STEAP2: variants seen among roughly 807,000 people sequenced by gnomAD.
The protein encoded by STEAP2 is metalloreductase STEAP2.
In STEAP2, 30 loss-of-function variants were observed where a neutral mutation model predicts 46.4. That is an observed-to-expected ratio of 0.65 (90% CI 0.48 to 0.88). STEAP2 has a LOEUF of 0.88. Among genes scored for constraint, STEAP2 ranks in the 40% least tolerant of loss-of-function variants. The probability of loss-of-function intolerance (pLI) is 0.00; values close to 1 mark genes in which losing one functional copy is unlikely to be tolerated. For missense variants in STEAP2, 513 were observed against 579.3 expected (o/e 0.89, Z 1.18); for synonymous variants, 180 against 200.5 (o/e 0.90, Z 0.86).
chr7:90,218,041 T>C (rs549532067), intron 2 of STEAP2, among the ~76,000 whole-genome samples: 1 of 152,330 alleles, frequency 6.6e-6, no homozygotes, highest in East Asian at 1.9e-4. Context: ...CATTTTTTCA[T>C]ATACCTATTA....
intron 4 of STEAP2, among the ~76,000 whole-genome samples, chr7:90,228,467 C>G (rs1584244350): frequency 6.6e-6 from 1 of 152,106 alleles, no homozygotes; most frequent in African/African-American, 2.4e-5. Context: ...GCTCCCTTGC[C>G]TCCTTCCAGT....
downstream of STEAP2, among the ~76,000 whole-genome samples, chr7:90,242,502 C>A (rs868367633): frequency 6.6e-6 from 1 of 152,080 alleles, no homozygotes; most frequent in Non-Finnish European, 1.5e-5. Flanking sequence ...CTTTCCTGAT[C>A]CTGAGATGCT....
At position 90,229,806 on chromosome 7, in the gene STEAP2, G is replaced by A; in HGVS notation, c.1021-66G>A. On this transcript the variant is annotated intron_variant, in intron 4 of 5. Transcript: ENST00000394621. ...ACCAGGTTCTTCTTATGCCAAGAGT[G>A]AACTCTGTGCTGAATCAGTTAATGT... 3 of 1,560,714 alleles carry A rather than the reference G, an allele frequency of 1.9e-6. No individual in the cohort carries two copies. The South Asian group carries it at 3.8e-5, about 20-fold the overall frequency.
chr7:90,213,977 TAGTC>T (rs1312368590), intron 1 of STEAP2: 4 of 152,246 alleles, frequency 2.6e-5, no homozygotes, highest in Admixed American at 6.5e-5. Context: ...TTTTACGTGA[TAGTC>T]AGGAAGATGG....
chr7:90,217,407 C>T (rs1053991361), intron 2 of STEAP2, among the ~76,000 whole-genome samples: 1 of 152,130 alleles, frequency 6.6e-6, no homozygotes, highest in Admixed American at 6.5e-5. Flanking sequence ...TTCCTCCCCT[C>T]CTCCCATCAA....
intron 2 of STEAP2, among the ~76,000 whole-genome samples, chr7:90,219,727 G>A (rs375254420): frequency 1.7e-4 from 26 of 151,858 alleles, no homozygotes; most frequent in African/African-American, 3.9e-4. Flanking sequence ...ACACACGCGC[G>A]CACACACACA....
At chr7:90,219,276 CTT>C (rs1163934335) in intron 2 of STEAP2, among the ~76,000 whole-genome samples, 4 of 151,974 alleles carry the variant, frequency 2.6e-5, no homozygotes, top group African/African-American at 9.7e-5. Context: ...ACCTTTTATT[CTT>C]TCTCTTTCCT....
intron 2 of STEAP2, among the ~76,000 whole-genome samples, chr7:90,222,135 G>A (rs781193392): frequency 2.0e-5 from 3 of 151,852 alleles, no homozygotes; most frequent in Non-Finnish European, 2.9e-5. Context: ...ATTACTTCTG[G>A]TTTTTTTAAC....
At position 90,235,980 on chromosome 7, in the gene STEAP2, G is replaced by A. The variant is rs915926156; in HGVS notation, c.*3356G>A. The A allele has an allele frequency of 2.0e-5, 20 of 978,350 alleles. No homozygotes were observed. The highest frequency in any genetic ancestry group is 2.2e-5 in the Non-Finnish European group (18 of 823,776). The allele number at this position is 978,350 out of a possible 1,614,324, so 60.6% of individuals were successfully genotyped here. A position where few individuals can be genotyped will look rare whatever the true frequency, so the allele number is the denominator to read the frequency against. On this transcript the variant is annotated 3_prime_UTR_variant, in exon 6 of 6. Transcript: ENST00000394621. The stretch of plus-strand genomic sequence containing the variant: ...GCAGCATAACCTTGGCTTGATTAAG[G>A]AATTCTACTTTCAAAAATTAATCTG...
chr7:90,229,997 G>A lies in STEAP2; in HGVS notation c.1146G>A (p.Val382=), dbSNP rs777490178. The A allele has an allele frequency of 1.2e-6, 2 of 1,613,408 alleles. No individual in the cohort carries two copies. The highest frequency in any genetic ancestry group is 1.7e-6 in the Non-Finnish European group (2 of 1,179,486). Residue 382 remains valine (V), a synonymous_variant, in exon 5 of 6, where the codon GTG becomes GTA. Coordinates refer to ENST00000394621, the MANE Select transcript of STEAP2 (RefSeq NM_001244944.2). The part of the protein sequence containing the change: ...SLLAVTSIPS[V]SNALNWREFS... ...TGGCAGTCACTTCTATCCCTTCAGT[G>A]AGCAATGCTTTAAACTGGAGAGAAT...
rs1025269197 is a variant in STEAP2, at chr7:90,233,002, AT to A, written c.*385del. The stretch of plus-strand genomic sequence containing the variant: ...TTTTAAAATAATTCAATGGATATAC[AT>A]TTTTTTCTGAAGATTAAGATTTTAA... On this transcript the variant is annotated 3_prime_UTR_variant, in exon 6 of 6. Transcript: ENST00000394621. 3 of 964,816 alleles carry A rather than the reference AT, an allele frequency of 3.1e-6. No homozygotes were observed. The highest frequency in any genetic ancestry group is 3.7e-6 in the Non-Finnish European group (3 of 811,112). The allele number at this position is 964,816 out of a possible 1,614,324, so 59.8% of individuals were successfully genotyped here.
chr7:90,229,804 G>A, intron 4 of STEAP2, 68 bp from the exon 5 acceptor site: 1 of 1,559,424 alleles, frequency 6.4e-7, no homozygotes, highest in East Asian at 2.3e-5. Flanking sequence ...TATGCCAAGA[G>A]TGAACTCTGT....
chr7:90,238,082 C>T (rs1483552073), downstream of STEAP2: 1 of 717,336 alleles, frequency 1.4e-6, no homozygotes, highest in Non-Finnish European at 2.6e-6. Context: ...CTTCCTCATG[C>T]CTTGCCTCCT....
intron 2 of STEAP2, among the ~76,000 whole-genome samples, chr7:90,216,999 T>TCC (rs1225316533): frequency 6.6e-6 from 1 of 152,194 alleles, no homozygotes; most frequent in Non-Finnish European, 1.5e-5. Context: ...AGTGGGACTT[T>TCC]CCCTCACTAC....
intron 5 of STEAP2, among the ~76,000 whole-genome samples, chr7:90,230,596 T>C (rs1795697998): frequency 6.6e-6 from 1 of 152,166 alleles, no homozygotes; most frequent in African/African-American, 2.4e-5. Flanking sequence ...AGTATACTAA[T>C]ACGTATGGAT....
Position 90,223,095 on chromosome 7 carries a change from A to G in STEAP2, c.-33-1955A>G, listed in dbSNP as rs1009525905. On this transcript the variant is annotated intron_variant, in intron 2 of 5. Transcript: ENST00000394621. ...AATAATTTGAGAGATTTTTCCAGGA[A>G]GAATAACTGCATCATAGTTTATGCA... is the stretch of plus-strand genomic sequence containing the variant. Among the ~76,000 whole-genome samples the G allele has an allele frequency of 3.3e-5, 5 of 152,326 alleles. No homozygotes were observed. In the East Asian group the frequency reaches 9.6e-4, roughly 29 times the overall value.
downstream of STEAP2, among the ~76,000 whole-genome samples, chr7:90,241,250 CAGAA>C (rs1796056126): frequency 1.3e-5 from 2 of 151,986 alleles, no homozygotes; most frequent in Non-Finnish European, 2.9e-5. Flanking sequence ...CTTGAGAGAT[CAGAA>C]TCTCAGAATG....
Position 90,232,351 on chromosome 7 carries a change from T to C in STEAP2, c.1200T>C (p.Tyr400=). Residue 400 remains tyrosine, a synonymous_variant, in exon 6 of 6, where the codon TAT becomes TAC. Transcript: ENST00000394621. ...EFSFIQSTLG[Y]VALLISTFHV... is the part of the protein sequence containing the mutation. ...CCTGGCCCAAGTCTACACTTGGATA[T>C]GTCGCTCTGCTCATAAGTACTTTCC... The C allele has an allele frequency of 6.2e-7, 1 of 1,607,368 alleles. No homozygotes were observed. The highest frequency in any genetic ancestry group is 8.5e-7 in the Non-Finnish European group (1 of 1,175,828).
intron 1 of STEAP2, among the ~76,000 whole-genome samples, chr7:90,214,800 A>G (rs565473565): frequency 2.6e-5 from 4 of 152,290 alleles, no homozygotes; most frequent in African/African-American, 9.6e-5. Flanking sequence ...AACTAAGATT[A>G]TTGGAAGTCC....
Sources: gnomAD v4.1 joint callset for allele counts (sites outside exome capture counted in the v4.1 genomes callset) on GRCh38, gnomAD v4.1.1 for gene constraint, MANE v1.5 for transcripts, NCBI Gene and HGNC (gene_info 2026-07-23, HGNC 2026-07-21) for gene names.